The following LMX1A variants were observed in gnomAD, a reference collection of about 807,000 sequenced individuals.
The protein encoded by LMX1A is LIM homeobox transcription factor 1 alpha.
LMX1A carries 15 observed loss-of-function variants against 49.1 expected under a neutral mutation model. The ratio of observed to expected loss-of-function variants is 0.31; its 90% CI spans 0.20 to 0.47. The LOEUF is 0.47. Ranked by LOEUF, LMX1A falls within the 20% of genes least tolerant of loss-of-function variation. The pLI is 1.00. For missense variants in LMX1A, 372 were observed against 475.8 expected, an observed-to-expected ratio of 0.78 and a Z score of 2.03; for synonymous variants, 167 against 185.7, an observed-to-expected ratio of 0.90 and a Z score of 0.82.
intron 3 of LMX1A, among the ~76,000 whole-genome samples, chr1:165,252,669 G>C (rs1197110510): frequency 2.0e-5 from 3 of 152,192 alleles, no homozygotes; most frequent in Non-Finnish European, 4.4e-5. Flanking sequence ...TAGCGTACAG[G>C]AGAGAAAGTC....
At chr1:165,276,446 A>C (rs1035785794) in intron 3 of LMX1A, among the ~76,000 whole-genome samples, 1 of 152,356 alleles carries the variant, frequency 6.6e-6, no homozygotes, top group South Asian at 2.1e-4. Context: ...TGTAAGTCCC[A>C]GAAAGAATCT....
intron 3 of LMX1A, among the ~76,000 whole-genome samples, chr1:165,327,769 C>A (rs1655630527): frequency 6.6e-6 from 1 of 152,210 alleles, no homozygotes; most frequent in South Asian, 2.1e-4. Flanking sequence ...CAAATCCAGT[C>A]CCTCTTCAAC....
At chr1:165,277,171 A>G (rs982975741) in intron 3 of LMX1A, among the ~76,000 whole-genome samples, 1 of 152,232 alleles carries the variant, frequency 6.6e-6, no homozygotes, top group African/African-American at 2.4e-5. Context: ...TAAAAGATGC[A>G]GGTAAGGAGG....
At chr1:165,217,077 G>C (rs1651666984) in intron 4 of LMX1A, among the ~76,000 whole-genome samples, 4 of 152,128 alleles carry the variant, frequency 2.6e-5, no homozygotes, top group African/African-American at 9.7e-5. Flanking sequence ...CAGTCAGTGG[G>C]GGGGTCTCAG....
chr1:165,288,253 C>A (rs1451803115), intron 3 of LMX1A, among the ~76,000 whole-genome samples: 2 of 152,104 alleles, frequency 1.3e-5, no homozygotes, highest in Non-Finnish European at 2.9e-5. Context: ...AGGTAGGTGG[C>A]CCCCAGAGTC....
chr1:165,318,301 C>A (rs1046858262), intron 3 of LMX1A, among the ~76,000 whole-genome samples: 7 of 152,094 alleles, frequency 4.6e-5, no homozygotes, highest in African/African-American at 1.7e-4. Context: ...GGAGTCCTTC[C>A]AGGATTTGAC....
chr1:165,332,588 G>C (rs1655780401), intron 3 of LMX1A, among the ~76,000 whole-genome samples: 1 of 151,928 alleles, frequency 6.6e-6, no homozygotes, highest in Non-Finnish European at 1.5e-5. Flanking sequence ...TTATGTTCAG[G>C]ATACAATTAC....
chr1:165,352,545 C>T (rs1049487667), intron 3 of LMX1A, among the ~76,000 whole-genome samples: 4 of 152,268 alleles, frequency 2.6e-5, no homozygotes, highest in Non-Finnish European at 5.9e-5. Context: ...ACTGTCCGGA[C>T]TCCAGCGAAC....
At chr1:165,279,607 G>A (rs1654084156) in intron 3 of LMX1A, among the ~76,000 whole-genome samples, 1 of 152,138 alleles carries the variant, frequency 6.6e-6, no homozygotes, top group African/African-American at 2.4e-5. Context: ...CAGTTAAATG[G>A]GGCTGATGCT....
intron 3 of LMX1A, among the ~76,000 whole-genome samples, chr1:165,265,168 C>T (rs780651267): frequency 1.3e-5 from 2 of 148,660 alleles, no homozygotes; most frequent in South Asian, 2.2e-4. Flanking sequence ...CGTGCCATTG[C>T]ACTCCAGCCT....
At chr1:165,313,471 C>CTTTTTTTTTTTTTTTTTTTTTTT (rs34912339) in intron 3 of LMX1A, among the ~76,000 whole-genome samples, 4 of 114,848 alleles carry the variant, frequency 3.5e-5, no homozygotes, top group Non-Finnish European at 5.2e-5. Flanking sequence ...CACCTTCTTC[C>CTTTTTTTTTTTTTTTTTTTTTTT]TTTTTTTTTT....
chr1:165,213,887 G>T, intron 4 of LMX1A, 74 bp from the exon 5 acceptor site: 1 of 1,339,820 alleles, frequency 7.5e-7, no homozygotes, highest in Non-Finnish European at 1.0e-6. Context: ...TCCATAGCAA[G>T]GCCTCCAGGT....
intron 3 of LMX1A, among the ~76,000 whole-genome samples, chr1:165,263,981 A>G (rs1244689759): frequency 6.6e-6 from 1 of 152,218 alleles, no homozygotes; most frequent in East Asian, 1.9e-4. Flanking sequence ...AAGGTTATCA[A>G]TTATATTGAA....
chr1:165,286,455 C>G (rs937752849), intron 3 of LMX1A, among the ~76,000 whole-genome samples: 3 of 152,118 alleles, frequency 2.0e-5, no homozygotes, highest in Admixed American at 6.6e-5. Flanking sequence ...ACCTGGACAA[C>G]AAAAGACCAC....
At chr1:165,353,394 C>T (rs1010359566) in intron 2 of LMX1A, 132 bp from the exon 3 acceptor site, 7 of 682,926 alleles carry the variant, frequency 1.0e-5, no homozygotes, top group Non-Finnish European at 1.7e-5. Context: ...GGAACTCCTG[C>T]TAATCAACCA....
At chr1:165,215,441 C>T (rs1193471124) in intron 4 of LMX1A, among the ~76,000 whole-genome samples, 1 of 152,204 alleles carries the variant, frequency 6.6e-6, no homozygotes, top group African/African-American at 2.4e-5. Context: ...ACATCTTTGC[C>T]TCAATGGCTT....
intron 4 of LMX1A, among the ~76,000 whole-genome samples, chr1:165,240,843 G>T (rs1652625539): frequency 6.6e-6 from 1 of 152,160 alleles, no homozygotes; most frequent in South Asian, 2.1e-4. Context: ...AAACCAAGAG[G>T]CACAGAGAGC....
chr1:165,212,521 T>C (rs1457459208), intron 5 of LMX1A, among the ~76,000 whole-genome samples: 1 of 151,100 alleles, frequency 6.6e-6, no homozygotes, highest in African/African-American at 2.4e-5. Context: ...TGTTTGTTTT[T>C]TTTTTATCAC....
intron 4 of LMX1A, among the ~76,000 whole-genome samples, chr1:165,234,159 A>C (rs1380698109): frequency 1.3e-5 from 2 of 152,226 alleles, no homozygotes; most frequent in Non-Finnish European, 2.9e-5. Flanking sequence ...CACTCACACC[A>C]GGATCTCAGT....
Sources: allele counts gnomAD v4.1 joint callset (sites outside exome capture counted in the v4.1 genomes callset), GRCh38; gene constraint gnomAD v4.1.1; transcripts MANE v1.5; gene names NCBI Gene and HGNC (gene_info 2026-07-23, HGNC 2026-07-21).